The following FRMD6 variants were observed in gnomAD, a reference collection of about 807,000 sequenced individuals.
FRMD6 encodes the protein FERM domain containing 6.
Under a neutral mutation model 73.2 loss-of-function variants are expected in FRMD6, and 37 were observed. That is an observed-to-expected ratio of 0.51 (90% CI 0.39 to 0.66). The LOEUF (loss-of-function observed/expected upper bound fraction) is 0.66, where lower values mean the gene tolerates loss of function less well. Among genes scored for constraint, FRMD6 ranks in the 30% least tolerant of loss-of-function variants. The probability of loss-of-function intolerance (pLI) is 0.00; values close to 1 mark genes in which losing one functional copy is unlikely to be tolerated. For synonymous variants in FRMD6, 273 were observed against 282.2 expected, an observed-to-expected ratio of 0.97 and a Z score of 0.33; for missense variants, 714 against 780.5, an observed-to-expected ratio of 0.91 and a Z score of 1.02.
chr14:51,522,680 T>A (rs1885016675), intron 1 of FRMD6, among the ~76,000 whole-genome samples: 1 of 152,218 alleles, frequency 6.6e-6, no homozygotes, highest in South Asian at 2.1e-4. Context: ...TTTGGGAATT[T>A]GAAAAGGGAA....
intron 2 of FRMD6, among the ~76,000 whole-genome samples, chr14:51,696,650 C>A (rs1317313458): frequency 2.0e-5 from 3 of 151,630 alleles, no homozygotes; most frequent in Non-Finnish European, 1.5e-5. Flanking sequence ...GGTGTCTCAT[C>A]CCTGTAATCC....
intron 2 of FRMD6, among the ~76,000 whole-genome samples, chr14:51,582,407 T>C (rs1174633698): frequency 1.3e-5 from 2 of 152,216 alleles, no homozygotes; most frequent in Non-Finnish European, 1.5e-5. Flanking sequence ...TGGACTCAGC[T>C]TTAGTCCACA....
chr14:51,652,601 G>T (rs1470462639), intron 1 of FRMD6, among the ~76,000 whole-genome samples: 1 of 152,264 alleles, frequency 6.6e-6, no homozygotes, highest in Non-Finnish European at 1.5e-5. Flanking sequence ...CCGCGTCCCG[G>T]AAAGTGCCTA....
intron 11 of FRMD6, among the ~76,000 whole-genome samples, chr14:51,720,819 T>C (rs533102097): frequency 2.0e-5 from 3 of 152,306 alleles, no homozygotes; most frequent in African/African-American, 7.2e-5. Flanking sequence ...TACTTAGTAA[T>C]GTTTTTCTGA....
chr14:51,491,663 T>C, intron 1 of FRMD6: 1 of 152,352 alleles, frequency 6.6e-6, no homozygotes, highest in Non-Finnish European at 1.5e-5. Flanking sequence ...ATTTAAAAAA[T>C]GAAACCAAAA....
intron 2 of FRMD6, 44 bp downstream of exon 2, chr14:51,689,979 A>G: frequency 8.3e-7 from 1 of 1,201,778 alleles, no homozygotes; most frequent in Non-Finnish European, 1.2e-6. Flanking sequence ...TTGTGTTTTC[A>G]CCAGTGGCCA....
intron 1 of FRMD6, among the ~76,000 whole-genome samples, chr14:51,664,061 A>T (rs1276798731): frequency 6.6e-6 from 1 of 152,224 alleles, no homozygotes; most frequent in Non-Finnish European, 1.5e-5. Context: ...AAACCATAGC[A>T]GTCCTTTTTC....
chr14:51,452,161 A>G, the FRMD6 span, among the ~76,000 whole-genome samples: 2 of 152,260 alleles, frequency 1.3e-5, no homozygotes, highest in Admixed American at 6.5e-5. Flanking sequence ...TGATCAGAGC[A>G]TGAGCGAGGG....
chr14:51,705,270 A>G (rs1241250980), intron 6 of FRMD6, among the ~76,000 whole-genome samples: 1 of 151,908 alleles, frequency 6.6e-6, no homozygotes, highest in African/African-American at 2.4e-5. Flanking sequence ...GAAAAACATA[A>G]CTCTTTAAAA....
intron 2 of FRMD6, among the ~76,000 whole-genome samples, chr14:51,601,557 C>A (rs1299703383): frequency 6.6e-6 from 1 of 152,128 alleles, no homozygotes; most frequent in African/African-American, 2.4e-5. Flanking sequence ...TTGTTTGGAG[C>A]TTTACAAATC....
At chr14:51,405,913 C>T in the FRMD6 span, among the ~76,000 whole-genome samples, 15 of 152,092 alleles carry the variant, frequency 9.9e-5, no homozygotes, top group Non-Finnish European at 1.9e-4. Context: ...CTGCCTGTTC[C>T]TATGACCAGG....
At chr14:51,619,720 C>T (rs2019018) in intron 2 of FRMD6, among the ~76,000 whole-genome samples, 36,050 of 152,040 alleles carry the variant, frequency 0.24, 4,508 homozygotes, top group East Asian at 0.29. Flanking sequence ...TCTAGCAGCT[C>T]GTCCATGGTA....
At chr14:51,628,759 C>T (rs1208624365) in intron 2 of FRMD6, among the ~76,000 whole-genome samples, 2 of 137,504 alleles carry the variant, frequency 1.5e-5, no homozygotes, top group Non-Finnish European at 3.1e-5. Context: ...CGAGATCATG[C>T]CACTCCACTC....
intron 3 of FRMD6, among the ~76,000 whole-genome samples, chr14:51,698,544 T>G (rs980671346): frequency 3.3e-5 from 5 of 152,156 alleles, no homozygotes; most frequent in African/African-American, 9.7e-5. Context: ...GATTTTTGTT[T>G]CCTTGCATTC....
At chr14:51,468,159 C>T in the FRMD6 span, among the ~76,000 whole-genome samples, 1 of 152,042 alleles carries the variant, frequency 6.6e-6, no homozygotes, top group African/African-American at 2.4e-5. Context: ...GGCATGGCGG[C>T]GCGCGCCTGC....
intron 1 of FRMD6, among the ~76,000 whole-genome samples, chr14:51,688,434 C>T (rs903900146): frequency 5.3e-5 from 8 of 151,810 alleles, no homozygotes; most frequent in Non-Finnish European, 1.0e-4. Flanking sequence ...TCTAAATGTG[C>T]CAAGTATCTA....
the FRMD6 span, among the ~76,000 whole-genome samples, chr14:51,446,496 G>A: frequency 2.5e-5 from 3 of 120,104 alleles, no homozygotes; most frequent in African/African-American, 1.0e-4. Flanking sequence ...CCTGTATTGG[G>A]TTCTGGATTT....
upstream of FRMD6, among the ~76,000 whole-genome samples, chr14:51,487,254 T>C (rs763186510): frequency 1.3e-5 from 2 of 152,240 alleles, no homozygotes; most frequent in Non-Finnish European, 2.9e-5. Context: ...TGTAAATGAA[T>C]TGCTTGTTAT....
At chr14:51,442,875 A>C in the FRMD6 span, among the ~76,000 whole-genome samples, 1 of 152,240 alleles carries the variant, frequency 6.6e-6, no homozygotes, top group Non-Finnish European at 1.5e-5. Flanking sequence ...GAAGAACAGC[A>C]AGAAAACAAA....
Sources: gnomAD v4.1 joint callset for allele counts (sites outside exome capture counted in the v4.1 genomes callset) on GRCh38, gnomAD v4.1.1 for gene constraint, MANE v1.5 for transcripts, NCBI Gene and HGNC (gene_info 2026-07-23, HGNC 2026-07-21) for gene names.